The following TPST2 variants were observed in gnomAD, a reference collection of about 807,000 sequenced individuals.
The protein encoded by TPST2 is protein-tyrosine sulfotransferase 2.
Under a neutral mutation model 27.8 loss-of-function variants are expected in TPST2, and 16 were observed. The ratio of observed to expected loss-of-function variants is 0.58; its 90% CI spans 0.39 to 0.88. The LOEUF (loss-of-function observed/expected upper bound fraction) is 0.88, where lower values mean the gene tolerates loss of function less well. TPST2 is among the 40% of genes least tolerant of loss of function. The probability of loss-of-function intolerance (pLI) is 0.00; values close to 1 mark genes in which losing one functional copy is unlikely to be tolerated. For missense variants in TPST2, 464 were observed against 543.1 expected (o/e 0.85, Z 1.45); for synonymous variants, 229 against 231.7 (o/e 0.99, Z 0.10).
chr22:26,541,052 G>C lies in TPST2; in HGVS notation c.579C>G (p.Ile193Met), dbSNP rs1296666059. Residue 193 changes from isoleucine (I) to methionine (M), a missense_variant, in exon 3 of 7, where the codon ATC becomes ATG. Physicochemically the swap from Ile to Met is conservative, Grantham distance 10. Coordinates refer to ENST00000338754, the MANE Select transcript of TPST2 (RefSeq NM_003595.5). This position sits in a 1 kb window ranked among gnomAD's most constrained non-coding sequence, Gnocchi z 5.9. Reference sequence around the variant, plus strand: ...AGCCCGCAATGGTGACTTTGCGCGTGATCATGGAGTGCACGGAGGCCCGGC... The same window carrying C: ...AGCCCGCAATGGTGACTTTGCGCGTCATCATGGAGTGCACGGAGGCCCGGC... ...RDGRASVHSMITRKVTIAGFD... is the reference protein window; with the variant it reads ...RDGRASVHSMMTRKVTIAGFD... The C allele has an allele frequency of 1.9e-6, 3 of 1,613,628 alleles. No homozygotes were observed. Among genetic ancestry groups the C allele is most frequent in the Non-Finnish European group, 1.7e-6 (2 of 1,179,748 alleles).
At chr22:26,562,950 G>A (rs1222359926) in intron 1 of TPST2, among the ~76,000 whole-genome samples, 1 of 152,122 alleles carries the variant, frequency 6.6e-6, no homozygotes, top group East Asian at 1.9e-4. Context: ...GATAGTTTTG[G>A]TGTTACAATT....
Position 26,559,865 on chromosome 22 carries a change from G to A in TPST2, c.-160-15190C>T, listed in dbSNP as rs1345135727. On this transcript the variant is annotated intron_variant, in intron 1 of 6. Transcript: ENST00000338754. ...CCTTCACGCAGAAGCCAGGGAGCTT[G>A]GGGCTGCCAGAAACCTCCTAGCCTG... is the stretch of plus-strand genomic sequence containing the variant. 2.6e-5 allele frequency among the ~76,000 whole-genome samples: 4 copies of A among 152,166 alleles called. No homozygotes were observed. In the East Asian group the frequency reaches 7.7e-4, roughly 29 times the overall value.
At chr22:26,544,830 A>G (rs143658886) in intron 1 of TPST2, among the ~76,000 whole-genome samples, 155 bp from the exon 2 acceptor site, 34 of 152,332 alleles carry the variant, frequency 2.2e-4, no homozygotes, top group Non-Finnish European at 4.0e-4. Flanking sequence ...GCTTCAGCTC[A>G]AGATACCACA....
chr22:26,568,766 A>G (rs1157593431), intron 1 of TPST2, among the ~76,000 whole-genome samples: 1 of 152,192 alleles, frequency 6.6e-6, no homozygotes, highest in East Asian at 1.9e-4. Context: ...ATAGCCAACC[A>G]GCAGTCCTCT....
intron 1 of TPST2, among the ~76,000 whole-genome samples, chr22:26,571,045 ACGGAAGTCAGGCTATGGCCCTC>A (rs1232668707): frequency 6.6e-6 from 1 of 152,154 alleles, no homozygotes; most frequent in African/African-American, 2.4e-5. Context: ...CCTTAGGAAA[ACGGAAGTCAGGCTATGGCCCTC>A]CTCTGCTCCG....
chr22:26,528,179 G>A (rs1390620814), intron 6 of TPST2, 35 bp downstream of exon 6: 1 of 1,553,512 alleles, frequency 6.4e-7, no homozygotes, highest in African/African-American at 1.4e-5. Context: ...CCACCCAGAA[G>A]CAGCGGGAAC....
chr22:26,585,052 G>C (rs1928288017), intron 1 of TPST2, among the ~76,000 whole-genome samples: 1 of 152,214 alleles, frequency 6.6e-6, no homozygotes, highest in African/African-American at 2.4e-5. Context: ...CTGGAAGATA[G>C]GTCCTACTTA....
At chr22:26,548,677 T>A (rs1382841833) in intron 1 of TPST2, among the ~76,000 whole-genome samples, 1 of 151,664 alleles carries the variant, frequency 6.6e-6, no homozygotes, top group African/African-American at 2.4e-5. Context: ...TCGGAAAAAA[T>A]TCAAGCTAGG....
chr22:26,589,606 T>G (rs1459235718), intron 1 of TPST2, among the ~76,000 whole-genome samples: 12 of 152,106 alleles, frequency 7.9e-5, no homozygotes, highest in Non-Finnish European at 1.2e-4. Context: ...CTTCTGACGC[T>G]CCTCGCAACT....
chr22:26,567,095 A>G (rs1216698956), intron 1 of TPST2, among the ~76,000 whole-genome samples: 1 of 152,166 alleles, frequency 6.6e-6, no homozygotes, highest in Non-Finnish European at 1.5e-5. Flanking sequence ...ACACTGGTCT[A>G]TTGCGGGGTA....
chr22:26,544,653 C>G lies in TPST2; in HGVS notation c.-138G>C. 1 of 985,966 alleles carries G rather than the reference C, an allele frequency of 1.0e-6. No homozygotes were observed. Among genetic ancestry groups the G allele is most frequent in the Non-Finnish European group, 1.2e-6 (1 of 830,028 alleles). 61.1% of individuals were successfully genotyped at this position (985,966 alleles called of 1,614,324 possible). ...GGCTCCAGCCCTTGTGCCTGTGTGC[C>G]AAGGCTGTCTGCTGGCAGAGCCCTG... On this transcript the variant is annotated 5_prime_UTR_variant, in exon 2 of 7. Coordinates refer to ENST00000338754, the MANE Select transcript of TPST2 (RefSeq NM_003595.5).
chr22:26,522,921 A>G lies in TPST2; in HGVS notation c.*3354T>C, dbSNP rs953515755. On this transcript the variant is annotated 3_prime_UTR_variant, in exon 7 of 7. Transcript: ENST00000338754. ...GTGATTCCCCTCTTTACAAAAAATAAAAAGTTAGGTAGGTGTCATGGTCCA... is the reference window on the plus strand; with the variant it reads ...GTGATTCCCCTCTTTACAAAAAATAGAAAGTTAGGTAGGTGTCATGGTCCA... The G allele has an allele frequency of 6.6e-6, 1 of 152,146 alleles. No homozygotes were observed. Among genetic ancestry groups the G allele is most frequent in the African/African-American group, 2.4e-5 (1 of 41,392 alleles). 9.4% of individuals were successfully genotyped at this position (152,146 alleles called of 1,614,324 possible).
At chr22:26,587,870 A>AT in intron 1 of TPST2, among the ~76,000 whole-genome samples, 1 of 152,254 alleles carries the variant, frequency 6.6e-6, no homozygotes, top group Non-Finnish European at 1.5e-5. Flanking sequence ...AGGTAGGAGG[A>AT]TCGCTTGAGA....
chr22:26,577,808 G>A (rs58967993), intron 1 of TPST2, among the ~76,000 whole-genome samples: 27,301 of 151,542 alleles, frequency 0.18, 2,896 homozygotes, highest in Non-Finnish European at 0.22. Flanking sequence ...ACAGGCTTGA[G>A]CCACCATGCC....
In TPST2 at chr22:26,544,784, C is replaced by T. The variant is rs141289332; in HGVS notation, c.-160-109G>A. The T allele has an allele frequency of 1.2e-4, 59 of 511,206 alleles. No individual in the cohort carries two copies. In the African/African-American group the frequency reaches 1.2e-3, roughly 10 times the overall value. 31.7% of individuals were successfully genotyped at this position (511,206 alleles called of 1,614,324 possible). On this transcript the variant is annotated intron_variant, in intron 1 of 6. Transcript: ENST00000338754. Reference sequence around the variant, plus strand: ...GGCTCCCAAGAGCACTGGACAGTGACATTTGGGAGAAGGACTCTGGAATGC... The same window carrying T: ...GGCTCCCAAGAGCACTGGACAGTGATATTTGGGAGAAGGACTCTGGAATGC...
At chr22:26,566,287 T>C (rs982081449) in intron 1 of TPST2, among the ~76,000 whole-genome samples, 5 of 152,010 alleles carry the variant, frequency 3.3e-5, no homozygotes, top group African/African-American at 1.2e-4. Context: ...GTGCGGTGGC[T>C]CACGCCTGTA....
intron 3 of TPST2, among the ~76,000 whole-genome samples, chr22:26,540,337 T>C (rs1293686744): frequency 6.6e-6 from 1 of 152,170 alleles, no homozygotes; most frequent in South Asian, 2.1e-4. Context: ...TGGTGGCTCA[T>C]GCCTGTAATC....
intron 1 of TPST2, among the ~76,000 whole-genome samples, chr22:26,582,414 C>T (rs894449116): frequency 7.2e-5 from 11 of 152,022 alleles, no homozygotes; most frequent in Admixed American, 1.3e-4. Context: ...GCAACAAGAT[C>T]GAAACTCCAT....
intron 3 of TPST2, 131 bp downstream of exon 3, chr22:26,540,658 A>G: frequency 1.3e-6 from 1 of 762,306 alleles, no homozygotes. Context: ...GGATAATGAA[A>G]CGGAGGCTCA....
Sources: gnomAD v4.1 joint callset for allele counts (sites outside exome capture counted in the v4.1 genomes callset) on GRCh38, gnomAD v4.1.1 for gene constraint, Gnocchi (gnomAD v3.1) non-coding constraint, MANE v1.5 for transcripts, NCBI Gene and HGNC (gene_info 2026-07-23, HGNC 2026-07-21) for gene names.